DAGLB: variants seen among roughly 807,000 people sequenced by gnomAD.
DAGLB encodes diacylglycerol lipase beta.
A neutral mutation model predicts 72.1 loss-of-function variants in DAGLB; 66 were observed. The observed-to-expected ratio is 0.92, with a 90% CI of 0.75 to 1.12. The LOEUF is 1.12. DAGLB is among the 50% of genes most tolerant of loss of function. The pLI is 0.00. For missense variants in DAGLB, 1,065 were observed against 884.9 expected, an observed-to-expected ratio of 1.20 and a Z score of -2.58; for synonymous variants, 414 against 359.5, an observed-to-expected ratio of 1.15 and a Z score of -1.71.
At chr7:6,432,782 G>A in intron 5 of DAGLB, 55 bp downstream of exon 5, 7 of 1,574,082 alleles carry the variant, frequency 4.4e-6, no homozygotes, top group Non-Finnish European at 6.0e-6. Flanking sequence ...TGATTCTGAA[G>A]ACCCACCAAA....
chr7:6,426,217 A>T, intron 6 of DAGLB, 103 bp from the exon 7 acceptor site: 2 of 1,537,492 alleles, frequency 1.3e-6, no homozygotes, highest in South Asian at 1.2e-5. Context: ...ACCAGAGCGG[A>T]CAATTCTCAG....
At chr7:6,434,291 G>T (rs978891080) in intron 4 of DAGLB, among the ~76,000 whole-genome samples, 5 of 151,394 alleles carry the variant, frequency 3.3e-5, no homozygotes, top group African/African-American at 1.2e-4. Flanking sequence ...CTAGAATGAC[G>T]CTCCCTTCTG....
chr7:6,423,428 G>A (rs563247712), intron 8 of DAGLB, among the ~76,000 whole-genome samples: 7 of 145,498 alleles, frequency 4.8e-5, no homozygotes, highest in Middle Eastern at 3.4e-3. Flanking sequence ...CACAGACGAC[G>A]CCACTGCTTC....
chr7:6,445,763 TG>T, intron 2 of DAGLB, 189 bp downstream of exon 2: 1 of 599,994 alleles, frequency 1.7e-6, no homozygotes, highest in Non-Finnish European at 2.7e-6. Flanking sequence ...GTGTCCCGCC[TG>T]GTACAGGATT....
intron 2 of DAGLB, among the ~76,000 whole-genome samples, chr7:6,437,735 G>A (rs1399544140): frequency 1.3e-5 from 2 of 151,780 alleles, no homozygotes; most frequent in Non-Finnish European, 2.9e-5. Context: ...CACAACCTCC[G>A]CCTCCCAGGT....
intron 6 of DAGLB, among the ~76,000 whole-genome samples, chr7:6,428,724 T>A (rs1222338764): frequency 6.6e-6 from 1 of 152,074 alleles, no homozygotes; most frequent in African/African-American, 2.4e-5. Flanking sequence ...TGACCTCAGG[T>A]GATCAGCCCG....
rs1487083738 is a variant in DAGLB, at chr7:6,447,647, G to C, written c.95+101C>G. 3 of 1,452,668 alleles carry C rather than the reference G, an allele frequency of 2.1e-6. No homozygotes were observed. The African/African-American group carries it at 4.3e-5, about 21-fold the overall frequency. The allele number at this position is 1,452,668 out of a possible 1,614,324, so 90.0% of individuals were successfully genotyped here. On this transcript the variant is annotated intron_variant, in intron 1 of 14. Transcript: ENST00000297056. ...GATGCGTGGCCAGCGCTGGGACCGC[G>C]ACAGTGCTTGGGAAGCCACTTCTGT...
In DAGLB at chr7:6,409,861, C is replaced by T. The variant is rs773635530; in HGVS notation, c.1995G>A (p.Gly665=). The change falls in exon 15 of 15, where the codon GGG becomes GGA. Residue 665 remains glycine (G), a synonymous_variant. Coordinates refer to ENST00000297056, the MANE Select transcript of DAGLB (RefSeq NM_139179.4). ...RAACVSCPAQ[G]VSSVDVA ...GTCAGGCCACGTCCACACTGGAGACCCCTTGTGCTGGACAGGAGACGCAGG... is the reference window on the plus strand; with the variant it reads ...GTCAGGCCACGTCCACACTGGAGACTCCTTGTGCTGGACAGGAGACGCAGG... 1 of 1,614,014 alleles carries T rather than the reference C, an allele frequency of 6.2e-7. No homozygotes were observed. The highest frequency in any genetic ancestry group is 1.7e-5 in the Admixed American group (1 of 60,028).
chr7:6,412,728 G>T, intron 13 of DAGLB, 83 bp downstream of exon 13: 1 of 1,431,946 alleles, frequency 7.0e-7, no homozygotes, highest in Non-Finnish European at 9.6e-7. Flanking sequence ...CTGCACTGAG[G>T]GTGCAATTCC....
intron 5 of DAGLB, among the ~76,000 whole-genome samples, chr7:6,432,108 T>C (rs1391963443): frequency 6.6e-6 from 1 of 152,094 alleles, no homozygotes; most frequent in Non-Finnish European, 1.5e-5. Flanking sequence ...CCCAGCACTC[T>C]GGGAAGCCGA....
At chr7:6,438,492 GA>G (rs761113199) in intron 2 of DAGLB, among the ~76,000 whole-genome samples, 110 of 144,660 alleles carry the variant, frequency 7.6e-4, no homozygotes, top group African/African-American at 1.6e-3. Context: ...CAGGTATGTG[GA>G]AAAAAAAAAA....
At chr7:6,427,406 G>A (rs1784347781) in intron 6 of DAGLB, among the ~76,000 whole-genome samples, 1 of 152,152 alleles carries the variant, frequency 6.6e-6, no homozygotes, top group Admixed American at 6.6e-5. Context: ...AGCACTTTGG[G>A]AGGCTGAGGC....
Position 6,416,616 on chromosome 7 carries a change from CA to C in DAGLB, c.1427+10del, listed in dbSNP as rs1055836384. 1 of 1,584,360 alleles carries C rather than the reference CA, an allele frequency of 6.3e-7. No individual in the cohort carries two copies. Among genetic ancestry groups the C allele is most frequent in the Non-Finnish European group, 8.6e-7 (1 of 1,167,586 alleles). ...GTAGCAAGCTGTTAGAGCAGGAAAA[CA>C]AAGGCTCACCTCCACAGCCCCCGGG... On this transcript the variant is annotated intron_variant, in intron 11 of 14. Coordinates refer to ENST00000297056, the MANE Select transcript of DAGLB (RefSeq NM_139179.4).
rs1783654132 is a variant in DAGLB, at chr7:6,409,762, C to A, written c.*75G>T. On this transcript the variant is annotated 3_prime_UTR_variant, in exon 15 of 15. Coordinates refer to ENST00000297056, the MANE Select transcript of DAGLB (RefSeq NM_139179.4). ...ATTCGCTGTTTTGGCGTCATGGGAA[C>A]TCCTCGGATGGTAAGTCAGTTTAAG... 4.0e-6 allele frequency: 6 copies of A among 1,510,698 alleles called. No individual in the cohort carries two copies. The highest frequency in any genetic ancestry group is 4.5e-6 in the Non-Finnish European group (5 of 1,117,374). 93.6% of individuals were successfully genotyped at this position (1,510,698 alleles called of 1,614,324 possible). A position where few individuals can be genotyped will look rare whatever the true frequency, so the allele number is the denominator to read the frequency against.
intron 13 of DAGLB, among the ~76,000 whole-genome samples, chr7:6,410,819 C>G (rs1783698462): frequency 6.6e-6 from 1 of 152,092 alleles, no homozygotes; most frequent in Non-Finnish European, 1.5e-5. Flanking sequence ...ATTCTCCTAC[C>G]TCAGCCTACT....
At chr7:6,435,196 T>C (rs1306183733) in intron 3 of DAGLB, among the ~76,000 whole-genome samples, 176 bp from the exon 4 acceptor site, 2 of 152,100 alleles carry the variant, frequency 1.3e-5, no homozygotes, top group Non-Finnish European at 2.9e-5. Context: ...TTCTAGAAAG[T>C]TCCTTATGAG....
At chr7:6,447,420 G>A (rs899010326) in intron 1 of DAGLB, among the ~76,000 whole-genome samples, 1 of 152,180 alleles carries the variant, frequency 6.6e-6, no homozygotes, top group Non-Finnish European at 1.5e-5. Context: ...TTTTGCCGGC[G>A]GTAACACCCT....
chr7:6,415,420 C>T (rs981516333), intron 11 of DAGLB, among the ~76,000 whole-genome samples: 8 of 151,770 alleles, frequency 5.3e-5, no homozygotes, highest in Non-Finnish European at 8.8e-5. Flanking sequence ...GCCGGGATTA[C>T]AGGCATGAGC....
rs1008674513 is a variant in DAGLB at position 6,409,874 on chromosome 7, C to G, written c.1982G>C (p.Cys661Ser). 3.1e-6 allele frequency: 5 copies of G among 1,614,034 alleles called. No individual in the cohort carries two copies. Among genetic ancestry groups the G allele is most frequent in the Non-Finnish European group, 4.2e-6 (5 of 1,180,032 alleles). ...VVSDRAACVS[C>S]PAQGVSSVDV... ...CACACTGGAGACCCCTTGTGCTGGACAGGAGACGCAGGCCGCTCTGTCGGA... is the reference window on the plus strand; with the variant it reads ...CACACTGGAGACCCCTTGTGCTGGAGAGGAGACGCAGGCCGCTCTGTCGGA... The change falls in exon 15 of 15, where the codon TGT becomes TCT. Residue 661 changes from cysteine to serine, a missense_variant. Coordinates refer to ENST00000297056, the MANE Select transcript of DAGLB (RefSeq NM_139179.4).
Sources: gnomAD v4.1 joint callset for allele counts (sites outside exome capture counted in the v4.1 genomes callset) on GRCh38, gnomAD v4.1.1 for gene constraint, MANE v1.5 for transcripts, NCBI Gene and HGNC (gene_info 2026-07-23, HGNC 2026-07-21) for gene names.